The following TBC1D5 variants were observed in gnomAD, a reference collection of about 807,000 sequenced individuals.
TBC1D5 encodes the protein TBC1 domain family, member 5.
TBC1D5 carries 75 observed loss-of-function variants against 100.3 expected under a neutral mutation model. The observed-to-expected ratio is 0.75, with a 90% CI of 0.62 to 0.91. The LOEUF (loss-of-function observed/expected upper bound fraction) is 0.91, where lower values mean the gene tolerates loss of function less well. Ranked by LOEUF, TBC1D5 falls within the 40% of genes least tolerant of loss-of-function variation. The probability of loss-of-function intolerance (pLI) is 0.00; values close to 1 mark genes in which losing one functional copy is unlikely to be tolerated. For synonymous variants in TBC1D5, 323 were observed against 325.6 expected (o/e 0.99, Z 0.09); for missense variants, 910 against 942.4 (o/e 0.97, Z 0.45).
chr3:17,568,937 C>A (rs552920407), intron 2 of TBC1D5, among the ~76,000 whole-genome samples: 47 of 151,782 alleles, frequency 3.1e-4, no homozygotes, highest in Middle Eastern at 3.4e-3. Context: ...AGTCACGGAT[C>A]TGCCCTGCAT....
intron 14 of TBC1D5, among the ~76,000 whole-genome samples, chr3:17,297,478 A>G (rs2082368642): frequency 1.3e-5 from 2 of 151,990 alleles, no homozygotes; most frequent in South Asian, 4.2e-4. Flanking sequence ...CGGGAGGCTG[A>G]CGCAGGAGAA....
intron 3 of TBC1D5, among the ~76,000 whole-genome samples, chr3:17,443,257 T>C (rs2094706885): frequency 6.6e-6 from 1 of 152,226 alleles, no homozygotes; most frequent in Non-Finnish European, 1.5e-5. Context: ...CACTGAAATG[T>C]GACAGCGGTC....
chr3:17,496,342 T>C (rs1321871548), intron 3 of TBC1D5, among the ~76,000 whole-genome samples: 4 of 152,214 alleles, frequency 2.6e-5, no homozygotes, highest in African/African-American at 7.2e-5. Context: ...CACATTGTTC[T>C]AATATGTCCT....
chr3:17,331,114 C>G (rs1237819550), intron 13 of TBC1D5, among the ~76,000 whole-genome samples: 2 of 152,152 alleles, frequency 1.3e-5, no homozygotes, highest in Non-Finnish European at 2.9e-5. Context: ...GAATGTGATC[C>G]TGGGACAACC....
chr3:17,569,113 G>A (rs2096610932), intron 2 of TBC1D5, among the ~76,000 whole-genome samples: 1 of 151,754 alleles, frequency 6.6e-6, no homozygotes, highest in Non-Finnish European at 1.5e-5. Flanking sequence ...ACCTCTTGAA[G>A]TAAATATTTA....
intron 3 of TBC1D5, chr3:17,465,313 G>T: frequency 5.7e-6 from 1 of 174,938 alleles, no homozygotes; most frequent in Non-Finnish European, 1.3e-5. Flanking sequence ...GGGAACTCCA[G>T]AACTGTGCAC....
intron 16 of TBC1D5, among the ~76,000 whole-genome samples, chr3:17,244,414 G>A (rs904066438): frequency 6.6e-6 from 1 of 152,102 alleles, no homozygotes; most frequent in Non-Finnish European, 1.5e-5. Context: ...TCCAAATGAA[G>A]GTGCCTATTT....
Position 17,510,837 on chromosome 3 carries a change from A to G in TBC1D5, c.-35-2232T>C, listed in dbSNP as rs541948935. ...ATCCTCCTTAAAACCCAACTGATTT[A>G]TCTTTGTCAATTTTATTTTCATTTT... On this transcript the variant is annotated intron_variant, in intron 2 of 21. Coordinates refer to ENST00000253692, the Ensembl canonical transcript of TBC1D5. 2.6e-5 allele frequency among the ~76,000 whole-genome samples: 4 copies of G among 152,106 alleles called. 1 individual carries two copies. In the South Asian group the frequency reaches 8.3e-4, roughly 31 times the overall value.
chr3:17,707,018 G>A (rs1454932754), intron 1 of TBC1D5, among the ~76,000 whole-genome samples: 4 of 151,756 alleles, frequency 2.6e-5, no homozygotes, highest in Non-Finnish European at 5.9e-5. Flanking sequence ...TTAAATTAGT[G>A]GACTTCCTAA....
chr3:17,472,167 T>C (rs1234285936), intron 3 of TBC1D5, among the ~76,000 whole-genome samples: 1 of 148,288 alleles, frequency 6.7e-6, no homozygotes, highest in Non-Finnish European at 1.5e-5. Flanking sequence ...TGAGATGGAG[T>C]CTCACTCTGT....
intron 13 of TBC1D5, among the ~76,000 whole-genome samples, chr3:17,368,212 T>C (rs2151985066): frequency 6.6e-6 from 1 of 152,256 alleles, no homozygotes; most frequent in South Asian, 2.1e-4. Context: ...ATGTCATCAA[T>C]TTATATAAAA....
chr3:17,738,266 T>A (rs1286051321), intron 1 of TBC1D5, among the ~76,000 whole-genome samples: 3 of 152,140 alleles, frequency 2.0e-5, no homozygotes, highest in African/African-American at 7.2e-5. Flanking sequence ...CTGTACAATC[T>A]CCAAAAATAT....
chr3:17,618,436 C>A (rs1403551453), intron 2 of TBC1D5, among the ~76,000 whole-genome samples: 1 of 152,254 alleles, frequency 6.6e-6, no homozygotes, highest in Non-Finnish European at 1.5e-5. Context: ...CTCTTCAGAG[C>A]TGTTAGACAG....
chr3:17,730,787 G>A (rs1321898984), intron 1 of TBC1D5, among the ~76,000 whole-genome samples: 1 of 152,028 alleles, frequency 6.6e-6, no homozygotes, highest in Non-Finnish European at 1.5e-5. Flanking sequence ...ACCTGGTATT[G>A]GACATCTATT....
intron 2 of TBC1D5, chr3:17,562,140 T>A (rs1030195046): frequency 1.6e-4 from 25 of 151,658 alleles, no homozygotes; most frequent in African/African-American, 3.6e-4. Context: ...TGAGACCCCA[T>A]CTCTAAAAAA....
intron 3 of TBC1D5, among the ~76,000 whole-genome samples, chr3:17,467,419 C>T (rs991191944): frequency 2.0e-5 from 3 of 151,870 alleles, no homozygotes; most frequent in African/African-American, 4.8e-5. Flanking sequence ...GAAGCAGTTC[C>T]AAGGTCCAGG....
At chr3:17,563,600 G>C (rs138484562) in intron 2 of TBC1D5, among the ~76,000 whole-genome samples, 37 of 152,234 alleles carry the variant, frequency 2.4e-4, no homozygotes, top group African/African-American at 8.2e-4. Flanking sequence ...GAAGAGTAAA[G>C]AATTAAGATT....
chr3:17,177,722 G>A (rs1176594331), intron 19 of TBC1D5, among the ~76,000 whole-genome samples: 1 of 152,140 alleles, frequency 6.6e-6, no homozygotes, highest in Non-Finnish European at 1.5e-5. Flanking sequence ...ATCCTATTGA[G>A]ATGGCATCTT....
chr3:17,592,433 C>T (rs529743667), intron 2 of TBC1D5, among the ~76,000 whole-genome samples: 11 of 152,274 alleles, frequency 7.2e-5, no homozygotes, highest in Non-Finnish European at 1.5e-4. Context: ...GGGTCCAATG[C>T]TGTGGGGCCT....
Sources: gnomAD v4.1 joint callset for allele counts (sites outside exome capture counted in the v4.1 genomes callset) on GRCh38, gnomAD v4.1.1 for gene constraint, MANE v1.5 for transcripts, NCBI Gene and HGNC (gene_info 2026-07-23, HGNC 2026-07-21) for gene names.